The following RPS6KA3 variants were observed in gnomAD, a reference collection of about 807,000 sequenced individuals.
RPS6KA3 encodes ribosomal protein S6 kinase A3.
A neutral mutation model predicts 67.2 loss-of-function variants in RPS6KA3; 4 were observed. The observed-to-expected ratio is 0.06, with a 90% confidence interval of 0.03 to 0.14. The LOEUF is 0.14. RPS6KA3 is among the 10% of genes least tolerant of loss of function. The pLI, the probability that RPS6KA3 is intolerant of heterozygous loss-of-function variation, is 1.00. For missense variants in RPS6KA3, 204 were observed against 559.0 expected (o/e 0.36, Z 6.40); for synonymous variants, 182 against 183.7 (o/e 0.99, Z 0.07).
chrX:20,210,839 G>A (rs999791234), intron 2 of RPS6KA3, among the ~76,000 whole-genome samples: 2 of 110,679 alleles, frequency 1.8e-5, no homozygotes, highest in Admixed American at 9.6e-5. Flanking sequence ...GTAGAACCAA[G>A]CATTAGCTGA....
chrX:20,235,401 AAAGAT>A (rs1422265640), intron 1 of RPS6KA3: 4 of 111,304 alleles, frequency 3.6e-5, no homozygotes, highest in Non-Finnish European at 5.7e-5. Context: ...AGACACAAAA[AAAGAT>A]AAAAGACAAA....
At chrX:20,255,942 T>C (rs2070040429) in intron 1 of RPS6KA3, among the ~76,000 whole-genome samples, 1 of 102,920 alleles carries the variant, frequency 9.7e-6, no homozygotes, top group Non-Finnish European at 2.0e-5. Context: ...AAACCCCATT[T>C]CTACCAAAAA....
At chrX:20,265,221 G>C (rs1472303021) in intron 1 of RPS6KA3, among the ~76,000 whole-genome samples, 1 of 111,801 alleles carries the variant, frequency 8.9e-6, no homozygotes, top group Admixed American at 9.4e-5. Context: ...AGGAGAACAA[G>C]CAAAATTGTT....
rs1398238905 is a variant in RPS6KA3 at position 20,150,150 on chromosome X, A to T, written c.*5248T>A. The T allele has an allele frequency of 8.8e-6, 1 of 113,612 alleles. No individual in the cohort carries two copies. Among genetic ancestry groups the T allele is most frequent in the Non-Finnish European group, 1.9e-5 (1 of 53,407 alleles). 9.4% of individuals were successfully genotyped at this position (113,612 alleles called of 1,213,427 possible). The stretch of plus-strand genomic sequence containing the variant: ...CAAGCATTTTATAATTATGGCAGCA[A>T]TGCCAAGCATCTGATGCGATTTAAC... On this transcript the variant is annotated 3_prime_UTR_variant, in exon 22 of 22. Transcript: ENST00000379565.
intron 4 of RPS6KA3, among the ~76,000 whole-genome samples, chrX:20,199,432 G>GA (rs1278557421): frequency 9.0e-6 from 1 of 111,685 alleles, no homozygotes; most frequent in Non-Finnish European, 1.9e-5. Flanking sequence ...TCTAGGAAAT[G>GA]AAAAGCGATG....
At chrX:20,264,917 G>T (rs1004279027) in intron 1 of RPS6KA3, among the ~76,000 whole-genome samples, 3 of 111,740 alleles carry the variant, frequency 2.7e-5, no homozygotes, top group Non-Finnish European at 5.6e-5. Flanking sequence ...AAAATATGAC[G>T]AGCTCTTGCA....
intron 1 of RPS6KA3, among the ~76,000 whole-genome samples, chrX:20,235,163 T>C (rs2069375848): frequency 9.0e-6 from 1 of 111,460 alleles, no homozygotes. Flanking sequence ...ACACTCTAAA[T>C]TCCAACTCCA....
At chrX:20,157,282 T>TA (rs1467043048) in intron 20 of RPS6KA3, among the ~76,000 whole-genome samples, 1 of 111,496 alleles carries the variant, frequency 9.0e-6, no homozygotes, top group Non-Finnish European at 1.9e-5. Context: ...ACTGGGTAGT[T>TA]AGCAATGAAC....
At chrX:20,192,866 G>A (rs1316775715) in intron 7 of RPS6KA3, among the ~76,000 whole-genome samples, 2 of 110,737 alleles carry the variant, frequency 1.8e-5, no homozygotes, top group African/African-American at 3.3e-5. Flanking sequence ...TTACATGTGT[G>A]AGCCACCATG....
At chrX:20,254,460 C>G (rs2069978111) in intron 1 of RPS6KA3, among the ~76,000 whole-genome samples, 1 of 111,660 alleles carries the variant, frequency 9.0e-6, no homozygotes, top group Non-Finnish European at 1.9e-5. Context: ...AGAAAGGGTG[C>G]CCTAGGTGAG....
chrX:20,212,972 T>C (rs2068756456), intron 2 of RPS6KA3, among the ~76,000 whole-genome samples: 2 of 111,792 alleles, frequency 1.8e-5, no homozygotes, highest in Non-Finnish European at 1.9e-5. Flanking sequence ...TTCATCTTTT[T>C]GACAAATTCA....
rs1291854821 is a variant in RPS6KA3, at chrX:20,151,833, T to C, written c.*3565A>G. The stretch of plus-strand genomic sequence containing the variant: ...GCAAGGCCTGCAAATCTTGAATGCT[T>C]TTCTGCTCTCATCCCAGGCTGGGCT... On this transcript the variant is annotated 3_prime_UTR_variant, in exon 22 of 22. Coordinates refer to ENST00000379565, the MANE Select transcript of RPS6KA3 (RefSeq NM_004586.3). 8.9e-6 allele frequency: 1 copy of C among 111,839 alleles called. No individual in the cohort carries two copies. The highest frequency in any genetic ancestry group is 1.9e-5 in the Non-Finnish European group (1 of 53,225). The allele number at this position is 111,839 out of a possible 1,213,427, so 9.2% of individuals were successfully genotyped here.
chrX:20,170,226 T>TA (rs2067539879), intron 15 of RPS6KA3, among the ~76,000 whole-genome samples: 1 of 112,199 alleles, frequency 8.9e-6, no homozygotes, highest in South Asian at 3.7e-4. Context: ...AAAGACAAAT[T>TA]TTGCTTTCTA....
intron 1 of RPS6KA3, among the ~76,000 whole-genome samples, chrX:20,259,465 C>T (rs972395452): frequency 8.1e-5 from 9 of 111,358 alleles, no homozygotes; most frequent in African/African-American, 2.9e-4. Flanking sequence ...TTTATATTCA[C>T]TATTAAGACG....
rs35947983 is a variant in RPS6KA3 at position 20,256,172 on chromosome X, C to CAAAAA, written c.69+10387_69+10391dup. On this transcript the variant is annotated intron_variant, in intron 1 of 21. Coordinates refer to ENST00000379565, the MANE Select transcript of RPS6KA3 (RefSeq NM_004586.3). Reference sequence around the variant, plus strand: ...TGGGTGACAGAGTGAGACACCGTCTCAAAAAAAAAAAAAAAAAAAAAAAAA... The same window carrying CAAAAA: ...TGGGTGACAGAGTGAGACACCGTCTCAAAAAAAAAAAAAAAAAAAAAAAAAAAAAA... Among the ~76,000 whole-genome samples the CAAAAA allele has an allele frequency of 1.5e-3, 22 of 14,445 alleles. 1 individual carries two copies. Among genetic ancestry groups the CAAAAA allele is most frequent in the Non-Finnish European group, 2.0e-3 (16 of 8,130 alleles). 12.5% of individuals were successfully genotyped at this position (14,445 alleles called of 115,157 possible). A position where few individuals can be genotyped will look rare whatever the true frequency, so the allele number is the denominator to read the frequency against.
chrX:20,169,511 C>T lies in RPS6KA3; in HGVS notation c.1354-20G>A. The T allele has an allele frequency of 1.1e-6, 1 of 917,822 alleles. No homozygotes were observed. Among genetic ancestry groups the T allele is most frequent in the Non-Finnish European group, 1.6e-6 (1 of 628,023 alleles). The allele number at this position is 917,822 out of a possible 1,213,427, so 75.6% of individuals were successfully genotyped here. ...AATAATCTAAAAGGCAAATGTTTAT[C>T]ACAAAACCTCATCAACTATACAGTT... On this transcript the variant is annotated intron_variant, in intron 15 of 21. Transcript: ENST00000379565.
intron 1 of RPS6KA3, among the ~76,000 whole-genome samples, chrX:20,258,544 A>G (rs1014207206): frequency 8.9e-6 from 1 of 111,855 alleles, no homozygotes; most frequent in African/African-American, 3.2e-5. Context: ...TGACTGAACC[A>G]AGTTTCCTAG....
chrX:20,234,083 A>C (rs886303226), intron 2 of RPS6KA3, among the ~76,000 whole-genome samples: 2 of 112,487 alleles, frequency 1.8e-5, no homozygotes, highest in Non-Finnish European at 3.8e-5. Flanking sequence ...GGAAATGGTG[A>C]ATGTCCACTT....
In RPS6KA3 at chrX:20,155,252, G is replaced by T; in HGVS notation, c.*146C>A. On this transcript the variant is annotated 3_prime_UTR_variant, in exon 22 of 22. Coordinates refer to ENST00000379565, the MANE Select transcript of RPS6KA3 (RefSeq NM_004586.3). ...TCATTTAAAGCGAGAAGAGAGGAAA[G>T]CAGGAGCAGCAGCAGGAACAGCAGC... 1 of 641,121 alleles carries T rather than the reference G, an allele frequency of 1.6e-6. No homozygotes were observed. The allele number at this position is 641,121 out of a possible 1,213,427, so 52.8% of individuals were successfully genotyped here. A position where few individuals can be genotyped will look rare whatever the true frequency, so the allele number is the denominator to read the frequency against.
Sources: gnomAD v4.1 joint callset for allele counts (sites outside exome capture counted in the v4.1 genomes callset) on GRCh38, gnomAD v4.1.1 for gene constraint, MANE v1.5 for transcripts, NCBI Gene and HGNC (gene_info 2026-07-23, HGNC 2026-07-21) for gene names.